The following CPO variants were observed in gnomAD, a reference collection of about 807,000 sequenced individuals.
CPO encodes metallocarboxypeptidase C.
Under a neutral mutation model 41.2 loss-of-function variants are expected in CPO, and 43 were observed. That is an observed-to-expected ratio of 1.04 (90% CI 0.82 to 1.35). CPO has a LOEUF of 1.35. CPO is among the 40% of genes most tolerant of loss of function. The pLI is 0.00. For missense variants in CPO, 408 were observed against 451.7 expected, an observed-to-expected ratio of 0.90 and a Z score of 0.88; for synonymous variants, 178 against 162.7, an observed-to-expected ratio of 1.09 and a Z score of -0.72.
rs189074701 is a variant in CPO at position 206,941,360 on chromosome 2, G to A, written c.68+1693G>A. ...TGTATGTTTTATGCTAAAGGAAAGAGGCTGTATATAAATCTAATGGAGTAC... is the reference window on the plus strand; with the variant it reads ...TGTATGTTTTATGCTAAAGGAAAGAAGCTGTATATAAATCTAATGGAGTAC... On this transcript the variant is annotated intron_variant, in intron 1 of 8. Transcript: ENST00000272852. 3.1e-3 allele frequency among the ~76,000 whole-genome samples: 478 copies of A among 152,042 alleles called. 3 individuals are homozygous for A. Among genetic ancestry groups the A allele is most frequent in the South Asian group, 1.5e-3 (7 of 4,808 alleles).
At chr2:206,950,554 T>C (rs1693240254) in intron 2 of CPO, among the ~76,000 whole-genome samples, 1 of 152,182 alleles carries the variant, frequency 6.6e-6, no homozygotes. Flanking sequence ...GAAATACTAT[T>C]TGACCCAGCA....
intron 2 of CPO, among the ~76,000 whole-genome samples, chr2:206,951,080 TA>T (rs905430258): frequency 3.1e-4 from 45 of 143,710 alleles, no homozygotes; most frequent in African/African-American, 4.6e-4. Flanking sequence ...AAAGTATAAT[TA>T]AAAAAAAAAG....
intron 1 of CPO, among the ~76,000 whole-genome samples, chr2:206,948,667 TAGG>T (rs1421813007): frequency 6.6e-6 from 1 of 152,000 alleles, no homozygotes; most frequent in South Asian, 2.1e-4. Flanking sequence ...GAGGCTGAAG[TAGG>T]AGGATATTCT....
At chr2:206,967,197 G>T (rs918798351) in intron 7 of CPO, among the ~76,000 whole-genome samples, 1 of 151,948 alleles carries the variant, frequency 6.6e-6, no homozygotes, top group Non-Finnish European at 1.5e-5. Context: ...AAACCTAGGC[G>T]ACATGCAACA....
chr2:206,965,162 C>T (rs1248552959), intron 7 of CPO, among the ~76,000 whole-genome samples: 2 of 152,200 alleles, frequency 1.3e-5, no homozygotes, highest in African/African-American at 4.8e-5. Flanking sequence ...AAGATGGCTT[C>T]AATTCTGTAT....
At position 206,962,418 on chromosome 2, in the gene CPO, G is replaced by T; in HGVS notation, c.581G>T (p.Gly194Val). 6.2e-7 allele frequency: 1 copy of T among 1,613,860 alleles called. No individual in the cohort carries two copies. Among genetic ancestry groups the T allele is most frequent in the African/African-American group, 1.3e-5 (1 of 75,028 alleles). ...RNFNASWCSI[G>V]ASRNCQDQTF... ...GGTTTCTTCCATATTCTAGGTATTG[G>T]TGCCTCTAGAAACTGCCAAGATCAA... Residue 194 changes from glycine to valine, a missense_variant, in exon 7 of 9, where the codon GGT becomes GTT. Coordinates refer to ENST00000272852, the MANE Select transcript of CPO (RefSeq NM_173077.3).
intron 8 of CPO, 51 bp from the exon 9 acceptor site, chr2:206,969,123 C>T (rs776846026): frequency 6.3e-7 from 1 of 1,580,130 alleles, no homozygotes; most frequent in Non-Finnish European, 8.7e-7. Context: ...TATAGAAATC[C>T]ATTCTTCCAA....
At position 206,947,838 on chromosome 2, in the gene CPO, A is replaced by G. The variant is rs183537111; in HGVS notation, c.69-1779A>G. Among the ~76,000 whole-genome samples the G allele has an allele frequency of 1.1e-3, 161 of 152,314 alleles. 1 individual carries two copies. Among genetic ancestry groups the G allele is most frequent in the African/African-American group, 3.7e-3 (152 of 41,572 alleles). On this transcript the variant is annotated intron_variant, in intron 1 of 8. Coordinates refer to ENST00000272852, the MANE Select transcript of CPO (RefSeq NM_173077.3). The stretch of plus-strand genomic sequence containing the variant: ...ATGTCACTAGGGAATCACAAATTAA[A>G]ATAAGATGATAATACTTGTTAATAA...
At chr2:206,963,514 G>A (rs1470890971) in intron 7 of CPO, among the ~76,000 whole-genome samples, 1 of 151,894 alleles carries the variant, frequency 6.6e-6, no homozygotes, top group African/African-American at 2.4e-5. Flanking sequence ...CTTCCTACAC[G>A]AGTCCCTCAC....
At chr2:206,962,324 G>A in intron 6 of CPO, 88 bp from the exon 7 acceptor site, 1 of 1,154,376 alleles carries the variant, frequency 8.7e-7, no homozygotes, top group Non-Finnish European at 1.3e-6. Flanking sequence ...TCTACTCACA[G>A]AGGCCCTGAG....
intron 4 of CPO, among the ~76,000 whole-genome samples, chr2:206,958,731 T>G (rs1053618742): frequency 5.2e-5 from 5 of 95,954 alleles, no homozygotes; most frequent in Admixed American, 9.7e-5. Flanking sequence ...TTTTCTAGTT[T>G]TTTTTTTTTT....
At chr2:206,968,092 A>G (rs1693618809) in intron 7 of CPO, among the ~76,000 whole-genome samples, 171 bp from the exon 8 acceptor site, 1 of 152,220 alleles carries the variant, frequency 6.6e-6, no homozygotes, top group Non-Finnish European at 1.5e-5. Flanking sequence ...GAAACTGGAT[A>G]AAGTGTGCTG....
intron 7 of CPO, among the ~76,000 whole-genome samples, chr2:206,967,476 A>C (rs994202466): frequency 3.9e-5 from 6 of 152,090 alleles, no homozygotes; most frequent in African/African-American, 7.2e-5. Context: ...GGGGAGAGAT[A>C]GAATCCAGTT....
At position 206,959,679 on chromosome 2, in the gene CPO, A is replaced by ACAG. The variant is rs758526554; in HGVS notation, c.421_422insCAG (p.Asn141delinsThrAsp). The ACAG allele has an allele frequency of 6.3e-7, 1 of 1,581,258 alleles. No homozygotes were observed. Among genetic ancestry groups the ACAG allele is most frequent in the African/African-American group, 1.3e-5 (1 of 74,160 alleles). ...CTCAAGTATACGCAAGCTCCTTAGG[A>ACAG]ACCTGGACTTCTATGTCCTTCCAGT... On this transcript the variant is annotated protein_altering_variant, in exon 5 of 9. Transcript: ENST00000272852.
chr2:206,953,825 T>A (rs1574350773), intron 2 of CPO, among the ~76,000 whole-genome samples: 1 of 152,238 alleles, frequency 6.6e-6, no homozygotes, highest in African/African-American at 2.4e-5. Flanking sequence ...GACATTTACA[T>A]ACATCATCTG....
intron 1 of CPO, among the ~76,000 whole-genome samples, chr2:206,945,474 A>C (rs988347867): frequency 2.0e-5 from 3 of 152,202 alleles, no homozygotes; most frequent in Non-Finnish European, 4.4e-5. Context: ...AAACTAAGTC[A>C]TTCAACAAAT....
chr2:206,949,600 C>T lies in CPO; in HGVS notation c.69-17C>T. 1 of 1,597,102 alleles carries T rather than the reference C, an allele frequency of 6.3e-7. No homozygotes were observed. The highest frequency in any genetic ancestry group is 8.6e-7 in the Non-Finnish European group (1 of 1,164,886). On this transcript the variant is annotated splice_polypyrimidine_tract_variant and intron_variant, in intron 1 of 8. Coordinates refer to ENST00000272852, the MANE Select transcript of CPO (RefSeq NM_173077.3). ...AGTTTCACCACTGCTTTTCCTCTTA[C>T]TTTCTTCCCTTTGCAGATCCTTAGC...
intron 1 of CPO, among the ~76,000 whole-genome samples, chr2:206,945,408 C>A (rs1693123831): frequency 6.9e-6 from 1 of 144,604 alleles, no homozygotes; most frequent in African/African-American, 2.5e-5. Context: ...ACTTAATATG[C>A]CCTGACAATA....
rs759901800 is a variant in CPO at position 206,960,940 on chromosome 2, G to A, written c.572G>A (p.Cys191Tyr). The change falls in exon 6 of 9, where the codon TGT (cysteine) becomes TAT (tyrosine). Residue 191 changes from cysteine to tyrosine, a missense_variant and splice_region_variant. Coordinates refer to ENST00000272852, the MANE Select transcript of CPO (RefSeq NM_173077.3). ...DLNRNFNASW[C>Y]SIGASRNCQD... is the part of the protein sequence containing the mutation. ...AATCGAAATTTCAATGCATCTTGGT[G>A]TAGTAAGTACATGCTTAGTAGATGA... 1 of 1,584,428 alleles carries A rather than the reference G, an allele frequency of 6.3e-7. No individual in the cohort carries two copies. The highest frequency in any genetic ancestry group is 8.7e-7 in the Non-Finnish European group (1 of 1,152,832).
Sources: allele counts gnomAD v4.1 joint callset (sites outside exome capture counted in the v4.1 genomes callset), GRCh38; gene constraint gnomAD v4.1.1; transcripts MANE v1.5; gene names NCBI Gene and HGNC (gene_info 2026-07-23, HGNC 2026-07-21).